Variants in TENT5D observed in about 807,000 individuals in gnomAD.
TENT5D encodes the protein terminal nucleotidyltransferase 5D, also known as cancer/testis antigen 112.
For missense variants in TENT5D, 191 were observed against 287.0 expected (o/e 0.67, Z 2.42); for synonymous variants, 103 against 100.6 (o/e 1.02, Z -0.15).
intron 3 of TENT5D, among the ~76,000 whole-genome samples, chrX:80,392,687 T>A (rs2147538872): frequency 9.9e-6 from 1 of 100,641 alleles, no homozygotes; most frequent in Non-Finnish European, 2.0e-5. Flanking sequence ...CGGCTAATTT[T>A]TTGTATTTTT....
intron 3 of TENT5D, among the ~76,000 whole-genome samples, chrX:80,407,957 C>T (rs1383776261): frequency 9.0e-6 from 1 of 111,523 alleles, no homozygotes; most frequent in Non-Finnish European, 1.9e-5. Context: ...TCACTCAAAA[C>T]TGCTCAACTA....
chrX:80,341,910 A>G (rs980562782), intron 2 of TENT5D, among the ~76,000 whole-genome samples: 3 of 106,364 alleles, frequency 2.8e-5, no homozygotes, highest in African/African-American at 1.0e-4. Flanking sequence ...ACGGGGTTTC[A>G]CCGTGTTAGC....
At chrX:80,397,682 C>T (rs1215056384) in intron 3 of TENT5D, among the ~76,000 whole-genome samples, 1 of 112,529 alleles carries the variant, frequency 8.9e-6, no homozygotes, top group African/African-American at 3.2e-5. Context: ...ATCCCGGCAC[C>T]TCGGGAGGCC....
At chrX:80,381,075 A>C (rs141799912) in intron 3 of TENT5D, among the ~76,000 whole-genome samples, 1 of 111,756 alleles carries the variant, frequency 8.9e-6, no homozygotes, top group Non-Finnish European at 1.9e-5. Flanking sequence ...ACAATTTGGC[A>C]TGTTTATGGA....
At chrX:80,426,464 GT>G (rs1269469932) in intron 1 of TENT5D, among the ~76,000 whole-genome samples, 2 of 111,308 alleles carry the variant, frequency 1.8e-5, no homozygotes, top group African/African-American at 6.5e-5. Flanking sequence ...ATTTTCACTG[GT>G]TTGATCATGA....
At chrX:80,386,704 G>T (rs1931019998) in intron 3 of TENT5D, among the ~76,000 whole-genome samples, 1 of 111,265 alleles carries the variant, frequency 9.0e-6, no homozygotes. Context: ...GCCCAGTGTG[G>T]ATTCAGAAAT....
chrX:80,365,693 T>C (rs1386124561), intron 3 of TENT5D, among the ~76,000 whole-genome samples: 1 of 109,286 alleles, frequency 9.2e-6, no homozygotes, highest in Non-Finnish European at 1.9e-5. Context: ...ATACAAAAAT[T>C]ATCCAGGCGC....
At chrX:80,363,432 C>G (rs1341770096) in intron 3 of TENT5D, among the ~76,000 whole-genome samples, 2 of 111,301 alleles carry the variant, frequency 1.8e-5, no homozygotes, top group Non-Finnish European at 3.8e-5. Flanking sequence ...ACTGTTAGTC[C>G]CATAAACTTT....
intron 3 of TENT5D, among the ~76,000 whole-genome samples, chrX:80,368,485 C>G (rs1233189143): frequency 8.9e-6 from 1 of 111,742 alleles, no homozygotes; most frequent in Non-Finnish European, 1.9e-5. Context: ...GGCAGAGATT[C>G]TATTCATCTT....
chrX:80,384,374 G>T (rs1342929431), intron 3 of TENT5D, among the ~76,000 whole-genome samples: 1 of 28,743 alleles, frequency 3.5e-5, no homozygotes, highest in Non-Finnish European at 7.0e-5. Flanking sequence ...AAATTCAACA[G>T]CCCTTCATGC....
At chrX:80,378,845 T>C (rs1181665495) in intron 3 of TENT5D, among the ~76,000 whole-genome samples, 1 of 110,496 alleles carries the variant, frequency 9.1e-6, no homozygotes, top group African/African-American at 3.3e-5. Flanking sequence ...ATTTCCTAAT[T>C]GATTACCCTT....
intron 3 of TENT5D, among the ~76,000 whole-genome samples, chrX:80,378,461 C>T (rs1467009422): frequency 1.8e-5 from 2 of 111,414 alleles, no homozygotes; most frequent in Non-Finnish European, 3.8e-5. Context: ...ATATAGCTAG[C>T]CAGTTTTCCA....
chrX:80,441,306 G>A (rs1228738823), intron 2 of TENT5D, among the ~76,000 whole-genome samples: 1 of 111,408 alleles, frequency 9.0e-6, no homozygotes, highest in African/African-American at 3.2e-5. Context: ...CAGATATGCT[G>A]TTGCTTAATA....
chrX:80,440,886 T>C (rs1243456309), intron 2 of TENT5D, among the ~76,000 whole-genome samples: 2 of 111,314 alleles, frequency 1.8e-5, no homozygotes, highest in Admixed American at 1.9e-4. Context: ...AGATTGAGAA[T>C]TTGAGCATAA....
chrX:80,397,165 T>C (rs756613798), intron 3 of TENT5D, among the ~76,000 whole-genome samples: 1 of 101,758 alleles, frequency 9.8e-6, no homozygotes, highest in African/African-American at 3.7e-5. Context: ...GGCTCCTCAC[T>C]TCTCAGATGG....
exon 3 of TENT5D, chrX:80,443,385 A>G (rs1932325700): frequency 8.3e-7 from 1 of 1,211,128 alleles, no homozygotes; most frequent in Non-Finnish European, 1.1e-6. Context: ...AAATTGAATC[A>G]TACCTCCACA....
exon 3 of TENT5D, chrX:80,444,978 C>T (rs1394617964): frequency 8.2e-6 from 1 of 122,064 alleles, no homozygotes; most frequent in East Asian, 2.8e-4. Context: ...TCAGTATTTC[C>T]ACTTGGTTAT....
At chrX:80,396,164 A>T (rs922869885) in intron 3 of TENT5D, among the ~76,000 whole-genome samples, 13 of 111,350 alleles carry the variant, frequency 1.2e-4, no homozygotes, top group African/African-American at 3.9e-4. Flanking sequence ...GGGGGTGCAG[A>T]TGTCTCTTTG....
At chrX:80,404,992 G>T (rs1170302004) in intron 3 of TENT5D, among the ~76,000 whole-genome samples, 1 of 111,852 alleles carries the variant, frequency 8.9e-6, no homozygotes, top group Non-Finnish European at 1.9e-5. Context: ...ACAGAATATT[G>T]TTGGAAGGAA....
Sources: gnomAD v4.1 joint callset for allele counts (sites outside exome capture counted in the v4.1 genomes callset) on GRCh38, gnomAD v4.1.1 for gene constraint, MANE v1.5 for transcripts, NCBI Gene and HGNC (gene_info 2026-07-23, HGNC 2026-07-21) for gene names.